Variants in NBAS observed in about 807,000 individuals in gnomAD.
The protein encoded by NBAS is NAG/BC035112 fusion.
Under a neutral mutation model 302.5 loss-of-function variants are expected in NBAS, and 219 were observed. That is an observed-to-expected ratio of 0.72 (90% CI 0.65 to 0.81). NBAS has a LOEUF of 0.81. Ranked by LOEUF, NBAS falls within the 30% of genes least tolerant of loss-of-function variation. The pLI is 0.00. For missense variants in NBAS, 2,932 were observed against 2,841.6 expected, an observed-to-expected ratio of 1.03 and a Z score of -0.72; for synonymous variants, 1,118 against 1,021.6, an observed-to-expected ratio of 1.09 and a Z score of -1.80.
chr2:14,785,326 A>C, the NBAS span, among the ~76,000 whole-genome samples: 1 of 152,048 alleles, frequency 6.6e-6, no homozygotes, highest in African/African-American at 2.4e-5. Flanking sequence ...TCTCCTGCCT[A>C]ATTGCCCTGG....
chr2:15,298,263 C>T (rs1001167069), intron 40 of NBAS, among the ~76,000 whole-genome samples: 2 of 152,086 alleles, frequency 1.3e-5, no homozygotes, highest in Non-Finnish European at 2.9e-5. Context: ...AAGTTTATAG[C>T]TCATCAAATA....
chr2:14,988,757 C>T, the NBAS span, among the ~76,000 whole-genome samples: 2 of 152,218 alleles, frequency 1.3e-5, no homozygotes, highest in African/African-American at 4.8e-5. Context: ...CAAGTTTCTG[C>T]CTATTAAGTA....
the NBAS span, among the ~76,000 whole-genome samples, chr2:14,946,177 C>G: frequency 1.3e-5 from 2 of 152,112 alleles, no homozygotes; most frequent in Non-Finnish European, 2.9e-5. Context: ...GGGATAATAA[C>G]AGAAAACTTT....
At chr2:15,110,572 C>T in the NBAS span, among the ~76,000 whole-genome samples, 2 of 152,108 alleles carry the variant, frequency 1.3e-5, no homozygotes, top group South Asian at 4.1e-4. Flanking sequence ...TGAAAAGAGG[C>T]ATTATGTGAG....
chr2:15,305,473 AT>A (rs1670991719), intron 40 of NBAS, among the ~76,000 whole-genome samples: 1 of 116,196 alleles, frequency 8.6e-6, no homozygotes, highest in Non-Finnish European at 1.7e-5. Flanking sequence ...TTTTTTTTAG[AT>A]GGAATTTCAC....
At chr2:15,261,921 T>A (rs1296711214) in intron 44 of NBAS, among the ~76,000 whole-genome samples, 1 of 152,218 alleles carries the variant, frequency 6.6e-6, no homozygotes, top group Non-Finnish European at 1.5e-5. Context: ...ACTGTATTTA[T>A]AGCAAAATCA....
chr2:15,364,634 CA>C (rs1674106237), intron 32 of NBAS, among the ~76,000 whole-genome samples: 1 of 152,060 alleles, frequency 6.6e-6, no homozygotes, highest in South Asian at 2.1e-4. Context: ...ACTCTGAGAC[CA>C]TCAAATGGAA....
At chr2:15,033,393 G>T in the NBAS span, among the ~76,000 whole-genome samples, 1 of 134,364 alleles carries the variant, frequency 7.4e-6, no homozygotes, top group Non-Finnish European at 1.6e-5. Context: ...TTATTTGGAT[G>T]ATATTTAAAT....
the NBAS span, among the ~76,000 whole-genome samples, chr2:14,926,043 C>T: frequency 1.3e-5 from 2 of 152,306 alleles, no homozygotes; most frequent in African/African-American, 2.4e-5. Flanking sequence ...GGAAAGGATA[C>T]GCTGCCTTCC....
chr2:14,968,400 AT>A, the NBAS span, among the ~76,000 whole-genome samples: 440 of 146,788 alleles, frequency 3.0e-3, 2 homozygotes, highest in African/African-American at 8.8e-3. Context: ...GAGGTTTGGA[AT>A]TTTTTTTTTT....
At chr2:15,171,562 G>T (rs1255966902) in intron 51 of NBAS, among the ~76,000 whole-genome samples, 1 of 152,172 alleles carries the variant, frequency 6.6e-6, no homozygotes, top group East Asian at 1.9e-4. Context: ...ACACTACCAT[G>T]AATGTTTTTT....
the NBAS span, among the ~76,000 whole-genome samples, chr2:15,159,786 TACACACACACACGCGTGC>T: frequency 6.9e-6 from 1 of 144,792 alleles, no homozygotes; most frequent in Non-Finnish European, 1.5e-5. Flanking sequence ...TTACCAGTCA[TACACACACACACGCGTGC>T]ACACACACAC....
downstream of NBAS, among the ~76,000 whole-genome samples, chr2:15,164,324 A>T (rs1294066260): frequency 1.3e-5 from 2 of 152,368 alleles, no homozygotes; most frequent in Non-Finnish European, 2.9e-5. Flanking sequence ...AAGTGCTCTG[A>T]TGACTTAAGT....
chr2:15,211,250 C>T (rs1190824485), intron 48 of NBAS, among the ~76,000 whole-genome samples: 1 of 151,758 alleles, frequency 6.6e-6, no homozygotes, highest in Non-Finnish European at 1.5e-5. Context: ...AATATATACA[C>T]CTACTATGTA....
intron 44 of NBAS, among the ~76,000 whole-genome samples, chr2:15,251,276 G>C (rs1668351753): frequency 6.6e-6 from 1 of 152,186 alleles, no homozygotes; most frequent in Admixed American, 6.5e-5. Context: ...ATGGACACAG[G>C]GAAGGGAACA....
At chr2:15,211,880 G>C (rs1224597926) in intron 48 of NBAS, among the ~76,000 whole-genome samples, 2 of 152,116 alleles carry the variant, frequency 1.3e-5, no homozygotes, top group African/African-American at 2.4e-5. Context: ...TTGTGTGAAG[G>C]GGATAAACAG....
chr2:15,167,822 T>C (rs752740562), intron 51 of NBAS, among the ~76,000 whole-genome samples: 60 of 152,214 alleles, frequency 3.9e-4, no homozygotes, highest in Non-Finnish European at 6.9e-4. Flanking sequence ...TAATGCTGTA[T>C]CTTTCTTGAA....
intron 9 of NBAS, among the ~76,000 whole-genome samples, chr2:15,531,673 G>T (rs1182787663): frequency 2.6e-5 from 4 of 152,138 alleles, no homozygotes; most frequent in Non-Finnish European, 5.9e-5. Context: ...GTCACTATCT[G>T]CTTCAGCCTA....
At chr2:14,939,846 T>G in the NBAS span, among the ~76,000 whole-genome samples, 1 of 152,240 alleles carries the variant, frequency 6.6e-6, no homozygotes, top group Non-Finnish European at 1.5e-5. Context: ...ATGTTAAGAA[T>G]GACTTTTAGA....
Sources: allele counts gnomAD v4.1 joint callset (sites outside exome capture counted in the v4.1 genomes callset), GRCh38; gene constraint gnomAD v4.1.1; transcripts MANE v1.5; gene names NCBI Gene and HGNC (gene_info 2026-07-23, HGNC 2026-07-21).